SIK2: variants seen among roughly 807,000 people sequenced by gnomAD.
The protein encoded by SIK2 is salt inducible kinase 2.
Under a neutral mutation model 103.2 loss-of-function variants are expected in SIK2, and 29 were observed. That is an observed-to-expected ratio of 0.28 (90% CI 0.21 to 0.38). SIK2 has a LOEUF of 0.38. SIK2 is among the 10% of genes least tolerant of loss of function. The probability of loss-of-function intolerance (pLI) is 1.00; values close to 1 mark genes in which losing one functional copy is unlikely to be tolerated. For missense variants in SIK2, 879 were observed against 1,171.0 expected (o/e 0.75, Z 3.64); for synonymous variants, 412 against 446.1 (o/e 0.92, Z 0.96).
chr11:111,713,089 C>T (rs978647376), intron 9 of SIK2, among the ~76,000 whole-genome samples: 1 of 152,136 alleles, frequency 6.6e-6, no homozygotes, highest in African/African-American at 2.4e-5. Context: ...GTCTTGAGCC[C>T]AGGGGGCCGA....
intron 1 of SIK2, among the ~76,000 whole-genome samples, chr11:111,611,933 G>A (rs749619466): frequency 6.6e-6 from 1 of 151,868 alleles, no homozygotes; most frequent in African/African-American, 2.4e-5. Flanking sequence ...CAACCCTTTT[G>A]CAAATTAAGG....
chr11:111,622,747 A>C (rs1280022586), intron 3 of SIK2, among the ~76,000 whole-genome samples: 1 of 151,786 alleles, frequency 6.6e-6, no homozygotes. Context: ...TCCCATTTGC[A>C]CTGTTTCTGA....
intron 2 of SIK2, among the ~76,000 whole-genome samples, chr11:111,620,063 G>A (rs1383290811): frequency 1.3e-5 from 2 of 152,178 alleles, no homozygotes; most frequent in African/African-American, 2.4e-5. Context: ...AATTCAGTAT[G>A]TCTGGGATGG....
chr11:111,631,717 T>C (rs1435802453), intron 3 of SIK2, among the ~76,000 whole-genome samples: 1 of 152,210 alleles, frequency 6.6e-6, no homozygotes, highest in Admixed American at 6.5e-5. Flanking sequence ...CAATTTCTCT[T>C]CTACTCTTAG....
intron 12 of SIK2, 133 bp from the exon 13 acceptor site, chr11:111,721,696 TA>T: frequency 1.7e-6 from 1 of 600,248 alleles, no homozygotes. Context: ...ACTGGCTCTG[TA>T]AAAGCTTTGA....
intron 9 of SIK2, among the ~76,000 whole-genome samples, chr11:111,717,798 T>G (rs575116219): frequency 3.3e-5 from 5 of 152,258 alleles, no homozygotes; most frequent in Non-Finnish European, 7.4e-5. Context: ...TGCAGGGACA[T>G]GAATGGAGCT....
At position 111,724,262 on chromosome 11, in the gene SIK2, A is replaced by G; in HGVS notation, c.*133A>G. ...GGAGAAATCGAGCCACCCAACTGGAATCAGAGGGTCTGGCTGGGGTGGATG... is the reference window on the plus strand; with the variant it reads ...GGAGAAATCGAGCCACCCAACTGGAGTCAGAGGGTCTGGCTGGGGTGGATG... On this transcript the variant is annotated 3_prime_UTR_variant, in exon 15 of 15. Transcript: ENST00000304987. The G allele has an allele frequency of 7.8e-7, 1 of 1,289,888 alleles. No homozygotes were observed. The highest frequency in any genetic ancestry group is 1.0e-6 in the Non-Finnish European group (1 of 963,286). 79.9% of individuals were successfully genotyped at this position (1,289,888 alleles called of 1,614,324 possible). A position where few individuals can be genotyped will look rare whatever the true frequency, so the allele number is the denominator to read the frequency against.
chr11:111,634,488 G>C (rs1489475242), intron 3 of SIK2, among the ~76,000 whole-genome samples: 1 of 151,922 alleles, frequency 6.6e-6, no homozygotes. Flanking sequence ...CAGCGTCCCA[G>C]GTCAGTATTG....
intron 3 of SIK2, among the ~76,000 whole-genome samples, chr11:111,681,810 C>T (rs760315546): frequency 4.6e-5 from 7 of 152,146 alleles, no homozygotes; most frequent in Admixed American, 2.0e-4. Flanking sequence ...CTAATGAAAT[C>T]ATTGATTCAT....
chr11:111,672,186 A>C, intron 3 of SIK2: 1 of 411,480 alleles, frequency 2.4e-6, no homozygotes, highest in East Asian at 6.0e-5. Context: ...GGTTTACCAT[A>C]ATGGCTGTGA....
At chr11:111,670,545 A>G (rs1565344709) in intron 3 of SIK2, among the ~76,000 whole-genome samples, 1 of 152,226 alleles carries the variant, frequency 6.6e-6, no homozygotes. Flanking sequence ...AAATATTTGA[A>G]TAGCACATGA....
At chr11:111,699,787 TA>T (rs1191702153) in intron 4 of SIK2, among the ~76,000 whole-genome samples, 2 of 152,218 alleles carry the variant, frequency 1.3e-5, no homozygotes, top group African/African-American at 4.8e-5. Flanking sequence ...TGACTAAGTG[TA>T]TTTATCATTT....
At chr11:111,610,604 A>G (rs1941710640) in intron 1 of SIK2, among the ~76,000 whole-genome samples, 1 of 151,238 alleles carries the variant, frequency 6.6e-6, no homozygotes, top group Non-Finnish European at 1.5e-5. Flanking sequence ...CTCCTGTATA[A>G]AATTTGTATT....
At chr11:111,702,843 A>C (rs1461537343) in intron 6 of SIK2, among the ~76,000 whole-genome samples, 1 of 152,206 alleles carries the variant, frequency 6.6e-6, no homozygotes, top group African/African-American at 2.4e-5. Flanking sequence ...GTATATCAGC[A>C]TTAGATATGA....
chr11:111,621,791 G>A (rs1941889737), intron 3 of SIK2, among the ~76,000 whole-genome samples: 2 of 152,040 alleles, frequency 1.3e-5, no homozygotes, highest in South Asian at 2.1e-4. Flanking sequence ...GTGCATGCCT[G>A]TAATCCCAGC....
chr11:111,716,817 C>A (rs186116258), intron 9 of SIK2, among the ~76,000 whole-genome samples: 2 of 152,124 alleles, frequency 1.3e-5, no homozygotes, highest in African/African-American at 4.8e-5. Context: ...AAAAAAAGAA[C>A]CTGCATGAAA....
chr11:111,651,778 G>A (rs542181097), intron 3 of SIK2, among the ~76,000 whole-genome samples: 13 of 152,240 alleles, frequency 8.5e-5, no homozygotes, highest in African/African-American at 3.1e-4. Context: ...CTACACTATG[G>A]CAAGAACTCC....
Position 111,721,821 on chromosome 11 carries a change from G to C in SIK2, c.1945-9G>C, listed in dbSNP as rs1346780580. On this transcript the variant is annotated splice_polypyrimidine_tract_variant and intron_variant, in intron 12 of 14. Transcript: ENST00000304987. ...AATTGAAAATTGTTTCCACCCCCTT[G>C]CTCCTCAGGAAGAAGTTTCTCAGCA... The C allele has an allele frequency of 6.3e-7, 1 of 1,599,224 alleles. No homozygotes were observed.
At chr11:111,604,231 A>G (rs1941620021) in intron 1 of SIK2, among the ~76,000 whole-genome samples, 1 of 152,284 alleles carries the variant, frequency 6.6e-6, no homozygotes, top group African/African-American at 2.4e-5. Flanking sequence ...GCCATGGCCT[A>G]TGCCATGCCA....
Sources: gnomAD v4.1 joint callset for allele counts (sites outside exome capture counted in the v4.1 genomes callset) on GRCh38, gnomAD v4.1.1 for gene constraint, MANE v1.5 for transcripts, NCBI Gene and HGNC (gene_info 2026-07-23, HGNC 2026-07-21) for gene names.